The following ILRUN variants were observed in gnomAD, a reference collection of about 807,000 sequenced individuals.
ILRUN encodes inflammation and lipid regulator with UBA-like and NBR1-like domains.
ILRUN carries 3 observed loss-of-function variants against 33.8 expected under a neutral mutation model. That is an observed-to-expected ratio of 0.09 (90% CI 0.04 to 0.23). The LOEUF is 0.23. ILRUN is among the 10% of genes least tolerant of loss of function. The probability of loss-of-function intolerance (pLI) is 1.00; values close to 1 mark genes in which losing one functional copy is unlikely to be tolerated. For synonymous variants in ILRUN, 124 were observed against 138.9 expected (o/e 0.89, Z 0.75); for missense variants, 210 against 375.1 (o/e 0.56, Z 3.64).
At chr6:34,678,041 CA>C (rs1406296964) in intron 1 of ILRUN, among the ~76,000 whole-genome samples, 1 of 151,354 alleles carries the variant, frequency 6.6e-6, no homozygotes, top group Non-Finnish European at 1.5e-5. Flanking sequence ...CCTAATTTCA[CA>C]TTTTTAATTT....
chr6:34,623,199 G>A (rs2127342539), intron 3 of ILRUN, among the ~76,000 whole-genome samples: 1 of 152,226 alleles, frequency 6.6e-6, no homozygotes, highest in South Asian at 2.1e-4. Context: ...CCAGTGAACT[G>A]TACACTTAAA....
At chr6:34,595,647 G>T in intron 4 of ILRUN, 2 of 521,718 alleles carry the variant, frequency 3.8e-6, no homozygotes, top group Non-Finnish European at 4.9e-6. Context: ...AGAGATTTTT[G>T]CATTACTCTT....
At chr6:34,641,767 AG>A (rs1326782836) in intron 3 of ILRUN, among the ~76,000 whole-genome samples, 9 of 152,308 alleles carry the variant, frequency 5.9e-5, no homozygotes, top group Admixed American at 2.6e-4. Flanking sequence ...AGTTAAAATT[AG>A]GGGTTTAAAG....
At chr6:34,653,110 G>A (rs1374953978) in intron 2 of ILRUN, among the ~76,000 whole-genome samples, 1 of 139,322 alleles carries the variant, frequency 7.2e-6, no homozygotes, top group Non-Finnish European at 1.5e-5. Context: ...CCCAGCCTGG[G>A]TGACAGAGTG....
intron 1 of ILRUN, among the ~76,000 whole-genome samples, chr6:34,681,904 G>A (rs2127384582): frequency 7.1e-6 from 1 of 139,876 alleles, no homozygotes; most frequent in Non-Finnish European, 1.5e-5. Flanking sequence ...CCAGGCTGGA[G>A]TGCAGTGCTG....
intron 3 of ILRUN, among the ~76,000 whole-genome samples, chr6:34,608,965 C>G (rs1006583597): frequency 2.0e-5 from 3 of 152,186 alleles, no homozygotes; most frequent in African/African-American, 4.8e-5. Flanking sequence ...GGCCAAGAAG[C>G]TTTTAACTGT....
chr6:34,662,909 A>C (rs73413812), intron 1 of ILRUN, among the ~76,000 whole-genome samples: 4,691 of 152,274 alleles, frequency 0.031, 193 homozygotes, highest in African/African-American at 0.09. Context: ...CCTTGTCTCT[A>C]TAAAATTTAA....
chr6:34,665,870 C>G (rs1398936122), intron 1 of ILRUN, among the ~76,000 whole-genome samples: 5 of 151,638 alleles, frequency 3.3e-5, no homozygotes, highest in Admixed American at 3.3e-4. Context: ...GATTAAAATA[C>G]TTTACAATTG....
intron 4 of ILRUN, among the ~76,000 whole-genome samples, chr6:34,604,176 T>C (rs1040053066): frequency 2.0e-5 from 3 of 152,200 alleles, no homozygotes; most frequent in Non-Finnish European, 4.4e-5. Flanking sequence ...TTAGATAACA[T>C]ATTAATACTA....
intron 2 of ILRUN, among the ~76,000 whole-genome samples, chr6:34,653,129 T>C (rs1302656297): frequency 2.0e-5 from 2 of 98,562 alleles, no homozygotes; most frequent in Non-Finnish European, 3.6e-5. Context: ...TGAGACCTTG[T>C]CTCAAAAAAA....
rs1052533887 is a variant in ILRUN, at chr6:34,589,289, T to C, written c.*1276A>G. 16 of 152,268 alleles carry C rather than the reference T, an allele frequency of 1.1e-4. No individual in the cohort carries two copies. Among genetic ancestry groups the C allele is most frequent in the African/African-American group, 3.9e-4 (16 of 41,464 alleles). 9.4% of individuals were successfully genotyped at this position (152,268 alleles called of 1,614,324 possible). A position where few individuals can be genotyped will look rare whatever the true frequency, so the allele number is the denominator to read the frequency against. ...CAGTCAATCAGCCTCTTGCTTCAGCTGGGCTGCCACTTGCCCACCTCCCAG... is the reference window on the plus strand; with the variant it reads ...CAGTCAATCAGCCTCTTGCTTCAGCCGGGCTGCCACTTGCCCACCTCCCAG... On this transcript the variant is annotated 3_prime_UTR_variant, in exon 5 of 5. Coordinates refer to ENST00000374023, the MANE Select transcript of ILRUN (RefSeq NM_024294.4).
At chr6:34,683,475 C>CATATATACGT (rs1763436374) in intron 1 of ILRUN, among the ~76,000 whole-genome samples, 3 of 79,894 alleles carry the variant, frequency 3.8e-5, no homozygotes, top group African/African-American at 6.7e-5. Context: ...TATATATACA[C>CATATATACGT]ATATATATAT....
intron 1 of ILRUN, among the ~76,000 whole-genome samples, chr6:34,663,517 AAAAG>A (rs1401760026): frequency 3.9e-5 from 6 of 152,194 alleles, no homozygotes; most frequent in Non-Finnish European, 8.8e-5. Context: ...AAACTTAAAA[AAAAG>A]AGAGAGAGAG....
intron 1 of ILRUN, among the ~76,000 whole-genome samples, chr6:34,694,999 C>G (rs191021265): frequency 7.0e-6 from 1 of 142,790 alleles, no homozygotes; most frequent in Non-Finnish European, 1.5e-5. Context: ...TGCAGTGAAC[C>G]GAGGTTGCGT....
intron 3 of ILRUN, among the ~76,000 whole-genome samples, chr6:34,611,418 C>T (rs1761751519): frequency 6.6e-6 from 1 of 152,082 alleles, no homozygotes; most frequent in African/African-American, 2.4e-5. Context: ...TCAGTTCTGA[C>T]CCTCCTAAGT....
rs201498474 is a variant in ILRUN at position 34,606,568 on chromosome 6, A to C, written c.848T>G (p.Val283Gly). 1 of 1,613,382 alleles carries C rather than the reference A, an allele frequency of 6.2e-7. No individual in the cohort carries two copies. The highest frequency in any genetic ancestry group is 2.2e-5 in the East Asian group (1 of 44,872). Residue 283 changes from valine to glycine, a missense_variant, in exon 4 of 5, where the codon GTG becomes GGG. Around this residue, in one of 4 missense-constraint regions of ILRUN, gnomAD observed 81 missense variants for 97.0 expected, o/e 0.84. Coordinates refer to ENST00000374023, the MANE Select transcript of ILRUN (RefSeq NM_024294.4). ...AAGGGCACCTACCTTACTGTAAGTC[A>C]CTACTGATAAGTTGTTTGCGTGACT... ...PSSHANNLSV[V>G]TYSKGLHGPY... is the part of the protein sequence containing the mutation.
intron 4 of ILRUN, among the ~76,000 whole-genome samples, chr6:34,605,593 C>T (rs1462282589): frequency 2.6e-5 from 4 of 152,180 alleles, no homozygotes; most frequent in African/African-American, 9.7e-5. Context: ...TGTGTCACTA[C>T]ACTCCAGCCT....
intron 4 of ILRUN, among the ~76,000 whole-genome samples, chr6:34,605,841 G>T (rs146127249): frequency 2.5e-4 from 38 of 152,254 alleles, no homozygotes; most frequent in Non-Finnish European, 3.8e-4. Flanking sequence ...ATTCAGAGAA[G>T]AATACACAGG....
At position 34,637,840 on chromosome 6, in the gene ILRUN, TTGTTGC is replaced by T. The variant is rs757443101; in HGVS notation, c.511+8755_511+8760del. ...GTACAGTCATTTCACATTGCTGTTG[TTGTTGC>T]TGCTGCTGCTGCTGCTGCTGTTGTT... On this transcript the variant is annotated intron_variant, in intron 3 of 4. Coordinates refer to ENST00000374023, the MANE Select transcript of ILRUN (RefSeq NM_024294.4). Among the ~76,000 whole-genome samples, 792 of 120,944 alleles carry T rather than the reference TTGTTGC, an allele frequency of 6.5e-3. 1 individual carries two copies. Among genetic ancestry groups the T allele is most frequent in the Non-Finnish European group, 1.0e-2 (606 of 60,738 alleles). The allele number at this position is 120,944 out of a possible 152,430, so 79.3% of individuals were successfully genotyped here.
Sources: allele counts gnomAD v4.1 joint callset (sites outside exome capture counted in the v4.1 genomes callset), GRCh38; gene constraint gnomAD v4.1.1; regional missense constraint gnomAD v4.1.1; transcripts MANE v1.5; gene names NCBI Gene and HGNC (gene_info 2026-07-23, HGNC 2026-07-21).